Variants in TM9SF3 observed in about 807,000 individuals in gnomAD.
TM9SF3 encodes transmembrane 9 superfamily member 3.
Under a neutral mutation model 78.6 loss-of-function variants are expected in TM9SF3, and 14 were observed. That is an observed-to-expected ratio of 0.18 (90% CI 0.12 to 0.28). The LOEUF is 0.28. Ranked by LOEUF, TM9SF3 falls within the 10% of genes least tolerant of loss-of-function variation. The pLI, the probability that TM9SF3 is intolerant of heterozygous loss-of-function variation, is 1.00. For missense variants in TM9SF3, 496 were observed against 721.9 expected (o/e 0.69, Z 3.59); for synonymous variants, 231 against 241.7 (o/e 0.96, Z 0.41).
chr10:96,562,422 A>C (rs1848320551), intron 3 of TM9SF3, among the ~76,000 whole-genome samples: 1 of 152,136 alleles, frequency 6.6e-6, no homozygotes, highest in African/African-American at 2.4e-5. Context: ...GTACTTCTTT[A>C]TAGTGGTGTT....
At chr10:96,546,053 G>C (rs1172800233) in intron 8 of TM9SF3, among the ~76,000 whole-genome samples, 4 of 152,236 alleles carry the variant, frequency 2.6e-5, no homozygotes, top group Middle Eastern at 3.4e-3. Context: ...TCAAACCCTT[G>C]AAGTCTCTGG....
chr10:96,531,352 A>G (rs1010027460), intron 10 of TM9SF3, among the ~76,000 whole-genome samples: 1 of 152,100 alleles, frequency 6.6e-6, no homozygotes, highest in Non-Finnish European at 1.5e-5. Context: ...TTACCACGCT[A>G]TACTGTAACT....
At position 96,521,089 on chromosome 10, in the gene TM9SF3, A is replaced by T. The variant is rs1380704387; in HGVS notation, c.*1174T>A. On this transcript the variant is annotated 3_prime_UTR_variant, in exon 15 of 15. Transcript: ENST00000371142. ...AAAATTAAGTGTCTCTAAATTACAA[A>T]TTTGGCTCCTGTAGGAGTCTCAGAA... 2.6e-6 allele frequency: 1 copy of T among 386,214 alleles called. No homozygotes were observed. Among genetic ancestry groups the T allele is most frequent in the African/African-American group, 2.1e-5 (1 of 48,180 alleles). 23.9% of individuals were successfully genotyped at this position (386,214 alleles called of 1,614,324 possible).
chr10:96,550,220 TTGAC>T (rs1564933131), intron 7 of TM9SF3, among the ~76,000 whole-genome samples: 2 of 152,202 alleles, frequency 1.3e-5, no homozygotes, highest in Non-Finnish European at 2.9e-5. Context: ...TCAACAAGCA[TTGAC>T]TGAATACCTT....
intron 2 of TM9SF3, among the ~76,000 whole-genome samples, chr10:96,575,896 T>G (rs1301952877): frequency 6.6e-6 from 1 of 152,142 alleles, no homozygotes; most frequent in African/African-American, 2.4e-5. Context: ...TCTGACAAAC[T>G]TCACAGAGAA....
intron 10 of TM9SF3, 40 bp from the exon 11 acceptor site, chr10:96,530,648 T>G: frequency 3.2e-6 from 5 of 1,541,234 alleles, no homozygotes; most frequent in Non-Finnish European, 4.4e-6. Context: ...TCTAGTATGA[T>G]TTCCATGTTA....
chr10:96,531,948 C>T (rs1041531259), intron 10 of TM9SF3, among the ~76,000 whole-genome samples: 5 of 152,090 alleles, frequency 3.3e-5, no homozygotes, highest in East Asian at 1.9e-4. Flanking sequence ...TGGTGGCTTA[C>T]GCCTGTAATC....
At chr10:96,555,630 C>A (rs956855425) in intron 5 of TM9SF3, among the ~76,000 whole-genome samples, 1 of 152,174 alleles carries the variant, frequency 6.6e-6, no homozygotes, top group African/African-American at 2.4e-5. Flanking sequence ...TCTTGAAAAA[C>A]AGGAGACAGC....
intron 2 of TM9SF3, chr10:96,576,243 A>G (rs926903517): frequency 6.6e-6 from 1 of 152,392 alleles, no homozygotes; most frequent in African/African-American, 2.4e-5. Context: ...AACACTTTTC[A>G]GAAGGAAATA....
At position 96,544,334 on chromosome 10, in the gene TM9SF3, T is replaced by C. The variant is rs983937534; in HGVS notation, c.1055-128A>G. The C allele has an allele frequency of 5.9e-5, 50 of 851,304 alleles. No individual in the cohort carries two copies. In the African/African-American group the frequency reaches 8.1e-4, roughly 14 times the overall value. The allele number at this position is 851,304 out of a possible 1,614,324, so 52.7% of individuals were successfully genotyped here. ...TTTCTTCAAAATAATAGCTAACAAA[T>C]ACCAAAGATTTCCAAGTACGTATAG... On this transcript the variant is annotated intron_variant, in intron 8 of 14. Coordinates refer to ENST00000371142, the MANE Select transcript of TM9SF3 (RefSeq NM_020123.4).
intron 1 of TM9SF3, among the ~76,000 whole-genome samples, chr10:96,578,504 T>A (rs542098797): frequency 2.8e-4 from 42 of 151,904 alleles, no homozygotes; most frequent in African/African-American, 9.9e-4. Context: ...TTCAAGGGAG[T>A]TCAGAAAAAC....
chr10:96,583,417 GA>G (rs1474320842), intron 1 of TM9SF3, among the ~76,000 whole-genome samples: 2 of 152,166 alleles, frequency 1.3e-5, no homozygotes, highest in Non-Finnish European at 2.9e-5. Flanking sequence ...AAAGATCTCA[GA>G]AACAACTCAT....
chr10:96,546,724 T>C (rs959093349), intron 8 of TM9SF3, among the ~76,000 whole-genome samples: 2 of 152,100 alleles, frequency 1.3e-5, no homozygotes, highest in Non-Finnish European at 2.9e-5. Flanking sequence ...ACATTAAGTC[T>C]AGGAAGATTA....
chr10:96,524,469 G>A (rs1170582638), intron 14 of TM9SF3, among the ~76,000 whole-genome samples: 2 of 151,610 alleles, frequency 1.3e-5, no homozygotes, highest in Non-Finnish European at 3.0e-5. Context: ...TTTTCCAGAC[G>A]TACAAAACAT....
In TM9SF3 at chr10:96,586,945, C is replaced by G. The variant is rs1271256585; in HGVS notation, c.-110G>C. 1 of 898,100 alleles carries G rather than the reference C, an allele frequency of 1.1e-6. No individual in the cohort carries two copies. Among genetic ancestry groups the G allele is most frequent in the East Asian group, 5.0e-5 (1 of 20,184 alleles). 55.6% of individuals were successfully genotyped at this position (898,100 alleles called of 1,614,324 possible). ...CCGATTCGCATCCACGGGGCGCGGA[C>G]AGACGCACGGGGCCCGGCCCAGCCG... On this transcript the variant is annotated 5_prime_UTR_variant, in exon 1 of 15. Transcript: ENST00000371142.
chr10:96,571,950 A>G (rs1848441809), intron 2 of TM9SF3, among the ~76,000 whole-genome samples: 1 of 152,202 alleles, frequency 6.6e-6, no homozygotes, highest in African/African-American at 2.4e-5. Context: ...TAATGAACCA[A>G]TTATCGTAAC....
chr10:96,547,119 C>T (rs1267316195), intron 8 of TM9SF3, among the ~76,000 whole-genome samples: 1 of 152,154 alleles, frequency 6.6e-6, no homozygotes, highest in Non-Finnish European at 1.5e-5. Context: ...GTGCTCTTAG[C>T]AAGAGACTGT....
At chr10:96,572,525 C>CTT (rs35050136) in intron 2 of TM9SF3, among the ~76,000 whole-genome samples, 27 of 131,524 alleles carry the variant, frequency 2.1e-4, no homozygotes, top group South Asian at 4.9e-4. Flanking sequence ...AACGCATTTT[C>CTT]TTTTTTTTTT....
chr10:96,577,880 A>G (rs1269220730), intron 1 of TM9SF3, among the ~76,000 whole-genome samples: 2 of 152,186 alleles, frequency 1.3e-5, no homozygotes, highest in African/African-American at 4.8e-5. Context: ...CAACTGGCCC[A>G]CTATGAAATC....
Sources: allele counts gnomAD v4.1 joint callset (sites outside exome capture counted in the v4.1 genomes callset), GRCh38; gene constraint gnomAD v4.1.1; transcripts MANE v1.5; gene names NCBI Gene and HGNC (gene_info 2026-07-23, HGNC 2026-07-21).